The following RGP1 variants were observed in gnomAD, a reference collection of about 807,000 sequenced individuals.
RGP1 encodes the protein RAB6A-GEF complex partner protein 2.
A neutral mutation model predicts 44.5 loss-of-function variants in RGP1; 28 were observed. That is an observed-to-expected ratio of 0.63 (90% CI 0.47 to 0.86). The LOEUF is 0.86. Ranked by LOEUF, RGP1 falls within the 40% of genes least tolerant of loss-of-function variation. The probability of loss-of-function intolerance (pLI) is 0.00; values close to 1 mark genes in which losing one functional copy is unlikely to be tolerated. For missense variants in RGP1, 417 were observed against 490.7 expected, an observed-to-expected ratio of 0.85 and a Z score of 1.42; for synonymous variants, 212 against 196.7, an observed-to-expected ratio of 1.08 and a Z score of -0.65.
At chr9:35,778,945 C>T in the RGP1 span, among the ~76,000 whole-genome samples, 2,919 of 152,280 alleles carry the variant, frequency 0.019, 39 homozygotes, top group Admixed American at 0.03. Context: ...ACTCCTGGTT[C>T]CTTCTGTCAC....
At chr9:35,751,102 T>C in intron 5 of RGP1, 113 bp downstream of exon 5, 1 of 1,477,138 alleles carries the variant, frequency 6.8e-7, no homozygotes, top group Non-Finnish European at 9.3e-7. Context: ...TCAGTGACAG[T>C]GCTAGGGAGT....
At position 35,756,194 on chromosome 9, in the gene RGP1, G is replaced by A. The variant is rs1449036565; in HGVS notation, c.*3320G>A. 6.6e-6 allele frequency: 1 copy of A among 152,238 alleles called. No homozygotes were observed. Among genetic ancestry groups the A allele is most frequent in the African/African-American group, 2.4e-5 (1 of 41,446 alleles). 9.4% of individuals were successfully genotyped at this position (152,238 alleles called of 1,614,324 possible). The stretch of plus-strand genomic sequence containing the variant: ...ACCCATGTTCTAGGTATTCTCCATA[G>A]GGATAGTCTCTTTGGCATTTATTTG... On this transcript the variant is annotated 3_prime_UTR_variant, in exon 9 of 9. Transcript: ENST00000378078.
the RGP1 span, among the ~76,000 whole-genome samples, chr9:35,782,718 T>C: frequency 6.6e-6 from 1 of 152,206 alleles, no homozygotes. Flanking sequence ...AGTGCTGGAA[T>C]TACAGGTGTG....
chr9:35,783,991 G>A, the RGP1 span, among the ~76,000 whole-genome samples: 1 of 152,204 alleles, frequency 6.6e-6, no homozygotes, highest in Non-Finnish European at 1.5e-5. Context: ...CAACTGGGAT[G>A]AGATGATATC....
Position 35,752,767 on chromosome 9 carries a change from C to T in RGP1, c.1069C>T (p.Pro357Ser). 6.2e-7 allele frequency: 1 copy of T among 1,613,828 alleles called. No individual in the cohort carries two copies. The highest frequency in any genetic ancestry group is 8.5e-7 in the Non-Finnish European group (1 of 1,179,818). The change falls in exon 9 of 9, where the codon CCT becomes TCT. Residue 357 changes from proline to serine, a missense_variant. Coordinates refer to ENST00000378078, the MANE Select transcript of RGP1 (RefSeq NM_001080496.3). ...CACCTGGACAGGACCTGAGCAAGTA[C>T]CTGTAGACACCTTCAGCTGGGACCT... ...PTTWTGPEQV[P>S]VDTFSWDLPI... is the part of the protein sequence containing the mutation.
the RGP1 span, chr9:35,780,231 T>G: frequency 2.0e-5 from 3 of 152,200 alleles, no homozygotes; most frequent in Non-Finnish European, 4.4e-5. Context: ...AGAAGCAGAA[T>G]CAATAGAAGG....
rs576954400 is a variant in RGP1 at position 35,749,925 on chromosome 9, C to A, written c.116+54C>A. The A allele has an allele frequency of 7.4e-5, 100 of 1,351,446 alleles. 1 individual carries two copies. The Admixed American group carries it at 1.8e-3, about 24-fold the overall frequency. The allele number at this position is 1,351,446 out of a possible 1,614,324, so 83.7% of individuals were successfully genotyped here. On this transcript the variant is annotated intron_variant, in intron 2 of 8. Coordinates refer to ENST00000378078, the MANE Select transcript of RGP1 (RefSeq NM_001080496.3). The surrounding 1 kb of genome is among the most constrained non-coding windows in gnomAD (Gnocchi z 4.4). Reference sequence around the variant, plus strand: ...CCCTTCTGGGAAGAAGCCAGATTATCTCTGGGGCTGAGGCAGAGCTCAGGT... The same window carrying A: ...CCCTTCTGGGAAGAAGCCAGATTATATCTGGGGCTGAGGCAGAGCTCAGGT...
the RGP1 span, among the ~76,000 whole-genome samples, chr9:35,769,504 T>C: frequency 6.6e-6 from 1 of 152,194 alleles, no homozygotes; most frequent in African/African-American, 2.4e-5. Flanking sequence ...TTGAGCAATA[T>C]TAAGCTTCAG....
At chr9:35,772,486 A>G in the RGP1 span, 2 of 152,202 alleles carry the variant, frequency 1.3e-5, no homozygotes, top group Non-Finnish European at 2.9e-5. Flanking sequence ...CTTCATCCAG[A>G]TCATTTGTAA....
At position 35,749,917 on chromosome 9, in the gene RGP1, C is replaced by G. The variant is rs767046356; in HGVS notation, c.116+46C>G. ...GGTGGTGGCCCTTCTGGGAAGAAGC[C>G]AGATTATCTCTGGGGCTGAGGCAGA... is the stretch of plus-strand genomic sequence containing the variant. On this transcript the variant is annotated intron_variant, in intron 2 of 8. Coordinates refer to ENST00000378078, the MANE Select transcript of RGP1 (RefSeq NM_001080496.3). The surrounding 1 kb of genome is among the most constrained non-coding windows in gnomAD (Gnocchi z 4.4). 1 of 1,406,936 alleles carries G rather than the reference C, an allele frequency of 7.1e-7. No individual in the cohort carries two copies. Among genetic ancestry groups the G allele is most frequent in the African/African-American group, 1.4e-5 (1 of 69,820 alleles). 87.2% of individuals were successfully genotyped at this position (1,406,936 alleles called of 1,614,324 possible). A position where few individuals can be genotyped will look rare whatever the true frequency, so the allele number is the denominator to read the frequency against.
Position 35,753,307 on chromosome 9 carries a change from G to T in RGP1, c.*433G>T, listed in dbSNP as rs758848388. 7.5e-6 allele frequency: 12 copies of T among 1,606,586 alleles called. No homozygotes were observed. Among genetic ancestry groups the T allele is most frequent in the Non-Finnish European group, 1.0e-5 (12 of 1,177,384 alleles). ...TGGGGAACCAAGGATAGGGGAAGGA[G>T]TCAGCACAGTGAAAGGCTGCCTTTA... On this transcript the variant is annotated 3_prime_UTR_variant, in exon 9 of 9. Coordinates refer to ENST00000378078, the MANE Select transcript of RGP1 (RefSeq NM_001080496.3). The surrounding 1 kb of genome is among the most constrained non-coding windows in gnomAD (Gnocchi z 4.2).
At chr9:35,785,207 G>C in the RGP1 span, among the ~76,000 whole-genome samples, 3 of 152,116 alleles carry the variant, frequency 2.0e-5, no homozygotes, top group African/African-American at 7.2e-5. Context: ...ACAGTTTTGG[G>C]ACTGAGTACA....
chr9:35,750,186 GAA>G, intron 2 of RGP1, 55 bp from the exon 3 acceptor site: 1 of 1,574,434 alleles, frequency 6.4e-7, no homozygotes, highest in Non-Finnish European at 8.6e-7. Flanking sequence ...GGGAGCTTGG[GAA>G]AGCATTTGTG....
At chr9:35,789,298 G>A in the RGP1 span, among the ~76,000 whole-genome samples, 154 of 149,764 alleles carry the variant, frequency 1.0e-3, no homozygotes, top group Non-Finnish European at 2.4e-4. Context: ...GATTACAGGC[G>A]TGAGCCACTG....
In RGP1 at chr9:35,752,652, G is replaced by T; in HGVS notation, c.954G>T (p.Val318=). 1 of 1,607,124 alleles carries T rather than the reference G, an allele frequency of 6.2e-7. No individual in the cohort carries two copies. The part of the protein sequence containing the change: ...SSTPGFCTAI[V]SLKWRLHFEF... Reference sequence around the variant, plus strand: ...TACCTTAATCTTTTTCTTCCATAGTGTCCTTGAAGTGGAGATTGCATTTTG... The same window carrying T: ...TACCTTAATCTTTTTCTTCCATAGTTTCCTTGAAGTGGAGATTGCATTTTG... The change falls in exon 9 of 9, where the codon GTG becomes GTT. Residue 318 remains valine, a splice_region_variant and synonymous_variant. Coordinates refer to ENST00000378078, the MANE Select transcript of RGP1 (RefSeq NM_001080496.3).
Sources: gnomAD v4.1 joint callset for allele counts (sites outside exome capture counted in the v4.1 genomes callset) on GRCh38, gnomAD v4.1.1 for gene constraint, Gnocchi (gnomAD v3.1) non-coding constraint, MANE v1.5 for transcripts, NCBI Gene and HGNC (gene_info 2026-07-23, HGNC 2026-07-21) for gene names.